ZNF14: variants seen among roughly 807,000 people sequenced by gnomAD.
ZNF14 encodes zinc finger protein 14, also known as gonadotropin inducible transcription repressor-4.
A neutral mutation model predicts 11.3 loss-of-function variants in ZNF14; 9 were observed. The observed-to-expected ratio is 0.80, with a 90% confidence interval of 0.48 to 1.39. ZNF14 has a LOEUF of 1.39. Ranked by LOEUF, ZNF14 falls within the 40% of genes most tolerant of loss-of-function variation. ZNF14 has a pLI of 0.00. For missense variants in ZNF14, 711 were observed against 763.9 expected (o/e 0.93, Z 0.82); for synonymous variants, 239 against 245.7 (o/e 0.97, Z 0.25).
At chr19:19,732,143 A>G (rs565899833) in intron 1 of ZNF14, among the ~76,000 whole-genome samples, 1 of 152,378 alleles carries the variant, frequency 6.6e-6, no homozygotes, top group South Asian at 2.1e-4. Context: ...GCACTCCAAC[A>G]TAGGCGAAAT....
At chr19:19,717,920 G>T (rs1599469276) in intron 1 of ZNF14, among the ~76,000 whole-genome samples, 1 of 152,112 alleles carries the variant, frequency 6.6e-6, no homozygotes, top group Non-Finnish European at 1.5e-5. Context: ...GTCTAGAGAA[G>T]CCCAAAGATG....
At chr19:19,717,811 C>G (rs970918847) in intron 1 of ZNF14, among the ~76,000 whole-genome samples, 1 of 152,202 alleles carries the variant, frequency 6.6e-6, no homozygotes, top group Non-Finnish European at 1.5e-5. Context: ...CTACACCTTA[C>G]CACTATTGTC....
At chr19:19,726,229 C>G (rs1599471750) in intron 1 of ZNF14, among the ~76,000 whole-genome samples, 1 of 134,200 alleles carries the variant, frequency 7.5e-6, no homozygotes, top group South Asian at 2.4e-4. Context: ...TTATCTACCT[C>G]TGGTCTTTGA....
At chr19:19,722,756 T>C (rs565959772) in intron 1 of ZNF14, among the ~76,000 whole-genome samples, 1 of 152,320 alleles carries the variant, frequency 6.6e-6, no homozygotes, top group African/African-American at 2.4e-5. Flanking sequence ...CATTGAGCAG[T>C]GGTTTGTAGT....
chr19:19,711,082 T>C lies in ZNF14; in HGVS notation c.*270A>G. The C allele has an allele frequency of 2.8e-6, 1 of 359,206 alleles. No individual in the cohort carries two copies. The highest frequency in any genetic ancestry group is 4.9e-6 in the Non-Finnish European group (1 of 203,758). 22.3% of individuals were successfully genotyped at this position (359,206 alleles called of 1,614,324 possible). A position where few individuals can be genotyped will look rare whatever the true frequency, so the allele number is the denominator to read the frequency against. The stretch of plus-strand genomic sequence containing the variant: ...ATGAGCCAACAAGCTTGGCCTTTTT[T>C]AAAAAAACAAAAAACAAAAAACAAA... On this transcript the variant is annotated 3_prime_UTR_variant, in exon 4 of 4. Transcript: ENST00000344099.
rs1423875997 is a variant in ZNF14 at position 19,724,855 on chromosome 19, T to C, written c.3+8101A>G. On this transcript the variant is annotated intron_variant, in intron 1 of 3. Transcript: ENST00000344099. ...ATGTAATGGCCTTCTTTGTCTCTTT[T>C]GATCTTTGTTGGTTTAAAGTCTGTT... Among the ~76,000 whole-genome samples, 4 of 133,388 alleles carry C rather than the reference T, an allele frequency of 3.0e-5. 1 individual carries two copies. The highest frequency in any genetic ancestry group is 1.1e-4 in the African/African-American group (4 of 35,994). 87.5% of individuals were successfully genotyped at this position (133,388 alleles called of 152,430 possible).
intron 1 of ZNF14, among the ~76,000 whole-genome samples, chr19:19,722,247 CT>C: frequency 6.6e-6 from 1 of 152,194 alleles, no homozygotes; most frequent in East Asian, 1.9e-4. Context: ...CCAAGATCAC[CT>C]TTAGCCTTTC....
Position 19,711,464 on chromosome 19 carries a change from T to C in ZNF14, c.1817A>G (p.Glu606Gly), listed in dbSNP as rs577117919. The C allele has an allele frequency of 1.9e-6, 3 of 1,613,966 alleles. No homozygotes were observed. In the East Asian group the frequency reaches 6.7e-5, roughly 36 times the overall value. Residue 606 changes from glutamate (E) to glycine (G), a missense_variant, in exon 4 of 4, where the codon GAA becomes GGA. Transcript: ENST00000344099. ...AGGTTTCTCTCCAGTGTGAGACCTT[T>C]CATGAATTCGAACAGAACTTGAAAA... ...FRFSSSVRIH[E>G]RSHTGEKPYE...
intron 1 of ZNF14, among the ~76,000 whole-genome samples, chr19:19,729,103 A>G (rs1203823847): frequency 2.6e-5 from 4 of 151,922 alleles, no homozygotes; most frequent in South Asian, 2.1e-4. Flanking sequence ...CAGCCTCCCA[A>G]GTAGCTGGGA....
Position 19,726,805 on chromosome 19 carries a change from CT to C in ZNF14, c.3+6150del, listed in dbSNP as rs201363253. ...CAATGACGGACGCCCCTTCCCCAGC[CT>C]TGCTGCCGACTTGCAGTTTGATCTC... On this transcript the variant is annotated intron_variant, in intron 1 of 3. Transcript: ENST00000344099. 8.8e-3 allele frequency among the ~76,000 whole-genome samples: 1,180 copies of C among 133,658 alleles called. 251 individuals carry two copies. Among genetic ancestry groups the C allele is most frequent in the Middle Eastern group, 0.017 (4 of 230 alleles). The allele number at this position is 133,658 out of a possible 152,430, so 87.7% of individuals were successfully genotyped here.
At position 19,714,351 on chromosome 19, in the gene ZNF14, A is replaced by G; in HGVS notation, c.130+10T>C. The G allele has an allele frequency of 6.2e-7, 1 of 1,613,550 alleles. No homozygotes were observed. Among genetic ancestry groups the G allele is most frequent in the Non-Finnish European group, 8.5e-7 (1 of 1,179,952 alleles). On this transcript the variant is annotated intron_variant, in intron 2 of 3. Transcript: ENST00000344099. The stretch of plus-strand genomic sequence containing the variant: ...TATTTAACTGAGGAAAGAAATGTTG[A>G]TATCCTTACCTAGACAAACCAGGTT...
At chr19:19,715,752 C>T (rs1392385849) in intron 1 of ZNF14, among the ~76,000 whole-genome samples, 1 of 152,180 alleles carries the variant, frequency 6.6e-6, no homozygotes, top group Admixed American at 6.5e-5. Context: ...TAAAGGACTT[C>T]AGATCTTTCT....
chr19:19,722,630 G>A lies in ZNF14; in HGVS notation c.4-8143C>T, dbSNP rs569323899. On this transcript the variant is annotated intron_variant, in intron 1 of 3. Transcript: ENST00000344099. The stretch of plus-strand genomic sequence containing the variant: ...TGAAGAAAGTCATTGGTAGCTTGAT[G>A]GGGATGGCATTGAATCTATAAATTA... Among the ~76,000 whole-genome samples, 17 of 152,286 alleles carry A rather than the reference G, an allele frequency of 1.1e-4. No individual in the cohort carries two copies. The South Asian group carries it at 3.5e-3, about 32-fold the overall frequency.
chr19:19,718,891 A>C (rs2062384911), intron 1 of ZNF14, among the ~76,000 whole-genome samples: 1 of 152,128 alleles, frequency 6.6e-6, no homozygotes, highest in Non-Finnish European at 1.5e-5. Context: ...TCAGCCTCCG[A>C]GTAGCTGAGA....
At position 19,712,685 on chromosome 19, in the gene ZNF14, C is replaced by A. The variant is rs1266226891; in HGVS notation, c.596G>T (p.Cys199Phe). ...TATAAAGGTTTTTCCACATTGCTTA[C>A]ATTCATAGGGTTTCTGTCCAGCATG... is the stretch of plus-strand genomic sequence containing the variant. ...RTHAGQKPYE[C>F]KQCGKTFIYY... The change falls in exon 4 of 4, where the codon TGT becomes TTT. Residue 199 changes from cysteine (C) to phenylalanine (F), a missense_variant. Coordinates refer to ENST00000344099, the MANE Select transcript of ZNF14 (RefSeq NM_021030.3). 2 of 1,613,884 alleles carry A rather than the reference C, an allele frequency of 1.2e-6. No individual in the cohort carries two copies. Among genetic ancestry groups the A allele is most frequent in the Non-Finnish European group, 1.7e-6 (2 of 1,179,960 alleles).
chr19:19,724,442 A>G (rs2062401340), intron 1 of ZNF14, among the ~76,000 whole-genome samples: 1 of 134,098 alleles, frequency 7.5e-6, no homozygotes, highest in South Asian at 2.4e-4. Context: ...CTGTGGTCTG[A>G]GAGACAGTTT....
At chr19:19,718,042 A>C (rs1308824263) in intron 1 of ZNF14, among the ~76,000 whole-genome samples, 1 of 152,172 alleles carries the variant, frequency 6.6e-6, no homozygotes, top group African/African-American at 2.4e-5. Flanking sequence ...AAAACCTCAC[A>C]CTCAAGGCCT....
intron 1 of ZNF14, among the ~76,000 whole-genome samples, chr19:19,718,990 T>A (rs1367900628): frequency 6.6e-6 from 1 of 152,086 alleles, no homozygotes; most frequent in Non-Finnish European, 1.5e-5. Context: ...GGTGTCAAAC[T>A]CCTGGCCCCA....
In ZNF14 at chr19:19,729,273, G is replaced by A. The variant is rs968013803; in HGVS notation, c.3+3683C>T. Among the ~76,000 whole-genome samples the A allele has an allele frequency of 2.6e-5, 4 of 151,254 alleles. No homozygotes were observed. The East Asian group carries it at 7.8e-4, about 30-fold the overall frequency. On this transcript the variant is annotated intron_variant, in intron 1 of 3. Transcript: ENST00000344099. ...TTACAGGTGTGAGCCATTGTGCCTGGCCCACCCAATAATCTTAACTGATCC... is the reference window on the plus strand; with the variant it reads ...TTACAGGTGTGAGCCATTGTGCCTGACCCACCCAATAATCTTAACTGATCC...
Sources: gnomAD v4.1 joint callset for allele counts (sites outside exome capture counted in the v4.1 genomes callset) on GRCh38, gnomAD v4.1.1 for gene constraint, MANE v1.5 for transcripts, NCBI Gene and HGNC (gene_info 2026-07-23, HGNC 2026-07-21) for gene names.